Variants in MED13L observed in about 807,000 individuals in gnomAD.
MED13L encodes the protein mediator of RNA polymerase II transcription subunit 13-like.
In MED13L, 7 loss-of-function variants were observed where a neutral mutation model predicts 220.9. The ratio of observed to expected loss-of-function variants is 0.03; its 90% CI spans 0.02 to 0.06. The LOEUF (loss-of-function observed/expected upper bound fraction) is 0.06. MED13L is among the 10% of genes least tolerant of loss of function. The probability of loss-of-function intolerance (pLI) is 1.00; values close to 1 mark genes in which losing one functional copy is unlikely to be tolerated. For missense variants in MED13L, 1,965 were observed against 2,760.5 expected, an observed-to-expected ratio of 0.71 and a Z score of 6.46; for synonymous variants, 1,011 against 1,015.2, an observed-to-expected ratio of 1.00 and a Z score of 0.08.
At chr12:116,227,442 C>T (rs937017606) in intron 2 of MED13L, among the ~76,000 whole-genome samples, 1 of 152,160 alleles carries the variant, frequency 6.6e-6, no homozygotes, top group Admixed American at 6.5e-5. Context: ...GTCGAGCAAG[C>T]CTATCAGCGC....
Position 115,970,624 on chromosome 12 carries a change from G to T in MED13L, c.6037C>A (p.Pro2013Thr), listed in dbSNP as rs1387712841. 2 of 1,613,822 alleles carry T rather than the reference G, an allele frequency of 1.2e-6. No individual in the cohort carries two copies. Among genetic ancestry groups the T allele is most frequent in the East Asian group, 4.5e-5 (2 of 44,888 alleles). ...STIQVAPANY[P>T]NEDGFSPNND... ...TTGGGGCTAAACCCATCTTCATTGG[G>T]GTAGTTGGCTGGAGCCACCTGGATG... Residue 2013 changes from proline (P) to threonine (T), a missense_variant, in exon 27 of 31, where the codon CCC (proline) becomes ACC (threonine). Pro to Thr is a conservative substitution (Grantham distance 38). Transcript: ENST00000281928.
chr12:116,196,030 T>C (rs781577543), intron 2 of MED13L, among the ~76,000 whole-genome samples: 3 of 151,932 alleles, frequency 2.0e-5, no homozygotes, highest in Admixed American at 6.6e-5. Context: ...TAAAGATATA[T>C]TATGGAGGCC....
intron 2 of MED13L, among the ~76,000 whole-genome samples, chr12:116,120,485 A>T (rs1405139378): frequency 1.3e-3 from 188 of 141,640 alleles, no homozygotes; most frequent in Middle Eastern, 3.8e-3. Context: ...TCTCACACAC[A>T]CACACACACA....
chr12:116,108,640 T>G (rs956595282), intron 3 of MED13L, among the ~76,000 whole-genome samples: 3 of 152,230 alleles, frequency 2.0e-5, no homozygotes, highest in African/African-American at 7.2e-5. Context: ...AGTACCATTT[T>G]TCAAAAGAAT....
At chr12:116,153,645 AG>A (rs1422585231) in intron 2 of MED13L, among the ~76,000 whole-genome samples, 9 of 152,338 alleles carry the variant, frequency 5.9e-5, no homozygotes, top group Middle Eastern at 6.8e-3. Flanking sequence ...CCTCACAGGA[AG>A]TAAATGATTC....
intron 14 of MED13L, 28 bp from the exon 15 acceptor site, chr12:115,997,258 T>C (rs1477618249): frequency 3.0e-5 from 48 of 1,603,148 alleles, no homozygotes; most frequent in Non-Finnish European, 3.9e-5. Flanking sequence ...AAAAAATTTG[T>C]TTAATAGGAA....
At chr12:116,196,775 T>G (rs529226164) in intron 2 of MED13L, among the ~76,000 whole-genome samples, 2 of 152,216 alleles carry the variant, frequency 1.3e-5, no homozygotes, top group Non-Finnish European at 2.9e-5. Flanking sequence ...CTACATAGCT[T>G]AAGAATCTGA....
intron 4 of MED13L, among the ~76,000 whole-genome samples, chr12:116,030,811 G>A (rs1424718763): frequency 6.6e-6 from 1 of 151,984 alleles, no homozygotes; most frequent in African/African-American, 2.4e-5. Context: ...TATGAAATAA[G>A]TAATTTTCTA....
intron 2 of MED13L, among the ~76,000 whole-genome samples, chr12:116,185,650 A>ATGCTT (rs1880833305): frequency 7.1e-6 from 1 of 139,934 alleles, no homozygotes; most frequent in African/African-American, 2.7e-5. Flanking sequence ...TTTTCATCAC[A>ATGCTT]TGCTTTTCTT....
At chr12:115,996,944 A>G (rs1878444455) in intron 15 of MED13L, 66 bp downstream of exon 15, 2 of 1,480,928 alleles carry the variant, frequency 1.4e-6, no homozygotes, top group Admixed American at 3.3e-5. Context: ...ACCATTTTAA[A>G]GCAGATGTAT....
chr12:116,102,714 T>C (rs1377916410), intron 3 of MED13L, among the ~76,000 whole-genome samples: 2 of 63,444 alleles, frequency 3.2e-5, no homozygotes, highest in Non-Finnish European at 7.0e-5. Flanking sequence ...TTTTTTCTTT[T>C]TTTTTTTTTT....
chr12:116,078,358 C>G (rs1387384191), intron 4 of MED13L, among the ~76,000 whole-genome samples: 1 of 152,058 alleles, frequency 6.6e-6, no homozygotes, highest in Non-Finnish European at 1.5e-5. Context: ...ATAATTTCTA[C>G]ATAATCATTT....
chr12:116,150,587 T>C (rs909843203), intron 2 of MED13L, among the ~76,000 whole-genome samples: 15 of 152,170 alleles, frequency 9.9e-5, no homozygotes, highest in African/African-American at 3.4e-4. Flanking sequence ...CTTCGCTAAG[T>C]GTTCCTATAC....
chr12:115,982,363 A>G lies in MED13L; in HGVS notation c.5175+21T>C, dbSNP rs145094432. On this transcript the variant is annotated intron_variant, in intron 22 of 30. Transcript: ENST00000281928. Reference sequence around the variant, plus strand: ...AAAAATAACAACATCAAAAGTAAATAATAAACTTGCAAACAGTAACCTGGA... The same window carrying G: ...AAAAATAACAACATCAAAAGTAAATGATAAACTTGCAAACAGTAACCTGGA... 9 of 1,583,576 alleles carry G rather than the reference A, an allele frequency of 5.7e-6. No individual in the cohort carries two copies. In the African/African-American group the frequency reaches 1.1e-4, roughly 19 times the overall value.
chr12:116,052,435 C>G (rs775905859), intron 4 of MED13L, among the ~76,000 whole-genome samples: 1 of 152,072 alleles, frequency 6.6e-6, no homozygotes, highest in East Asian at 1.9e-4. Context: ...GGAGATAGAA[C>G]CTAAAAGCAT....
intron 2 of MED13L, chr12:116,168,895 C>T (rs1879476793): frequency 6.6e-6 from 1 of 152,152 alleles, no homozygotes; most frequent in Non-Finnish European, 1.5e-5. Context: ...AATTTAATAT[C>T]TACTTATTAA....
intron 4 of MED13L, among the ~76,000 whole-genome samples, chr12:116,091,968 T>A (rs1015365640): frequency 6.6e-6 from 1 of 152,108 alleles, no homozygotes; most frequent in African/African-American, 2.4e-5. Flanking sequence ...TTTCACACAA[T>A]CCCCAAATAT....
intron 4 of MED13L, among the ~76,000 whole-genome samples, chr12:116,093,300 C>A (rs1872388397): frequency 6.6e-6 from 1 of 151,862 alleles, no homozygotes; most frequent in South Asian, 2.1e-4. Flanking sequence ...ATTCTTTTCC[C>A]AAGGATATGA....
intron 2 of MED13L, among the ~76,000 whole-genome samples, chr12:116,146,036 C>T (rs556725069): frequency 2.0e-5 from 3 of 152,318 alleles, no homozygotes; most frequent in East Asian, 1.9e-4. Context: ...GCCCGCGGGC[C>T]GCATGAGGCC....
Sources: gnomAD v4.1 joint callset for allele counts (sites outside exome capture counted in the v4.1 genomes callset) on GRCh38, gnomAD v4.1.1 for gene constraint, MANE v1.5 for transcripts, NCBI Gene and HGNC (gene_info 2026-07-23, HGNC 2026-07-21) for gene names.